The following ZIC4 variants were observed in gnomAD, a reference collection of about 807,000 sequenced individuals.
ZIC4 encodes the protein zinc finger protein ZIC 4.
ZIC4 carries 15 observed loss-of-function variants against 28.8 expected under a neutral mutation model. The observed-to-expected ratio is 0.52, with a 90% confidence interval of 0.35 to 0.80. The LOEUF (loss-of-function observed/expected upper bound fraction) is 0.80. Ranked by LOEUF, ZIC4 falls within the 30% of genes least tolerant of loss-of-function variation. ZIC4 has a pLI of 0.01. For synonymous variants in ZIC4, 220 were observed against 198.1 expected, an observed-to-expected ratio of 1.11 and a Z score of -0.93; for missense variants, 512 against 467.1, an observed-to-expected ratio of 1.10 and a Z score of -0.89.
chr3:147,387,137 C>T lies in ZIC4; in HGVS notation c.*1722G>A, dbSNP rs918804553. On this transcript the variant is annotated 3_prime_UTR_variant, in exon 5 of 5. Coordinates refer to ENST00000383075, the MANE Select transcript of ZIC4 (RefSeq NM_032153.6). ...CTTGCACCCTCTCTGCATTCTTTTC[C>T]TCATGTCCCAAAGCTTGTCCCGAGG... 3 of 152,194 alleles carry T rather than the reference C, an allele frequency of 2.0e-5. No homozygotes were observed. The highest frequency in any genetic ancestry group is 4.4e-5 in the Non-Finnish European group (3 of 68,062). 9.4% of individuals were successfully genotyped at this position (152,194 alleles called of 1,614,324 possible).
At chr3:147,398,582 T>C (rs974851869) in intron 2 of ZIC4, among the ~76,000 whole-genome samples, 7 of 152,086 alleles carry the variant, frequency 4.6e-5, no homozygotes, top group African/African-American at 1.7e-4. Flanking sequence ...AGCTGCGTCG[T>C]CCGGCGATTT....
intron 3 of ZIC4, among the ~76,000 whole-genome samples, chr3:147,395,144 T>C (rs562478027): frequency 1.4e-4 from 22 of 152,210 alleles, no homozygotes; most frequent in Non-Finnish European, 2.4e-4. Flanking sequence ...GCAGTTGTAT[T>C]AATTAGAGAT....
chr3:147,405,134 T>C (rs966419344), intron 1 of ZIC4, among the ~76,000 whole-genome samples: 3 of 152,098 alleles, frequency 2.0e-5, no homozygotes, highest in African/African-American at 7.2e-5. Context: ...CTTTACTCAT[T>C]CTCCTGTTCT....
chr3:147,389,155 G>A, intron 4 of ZIC4: 1 of 447,946 alleles, frequency 2.2e-6, no homozygotes, highest in South Asian at 4.7e-5. Context: ...ATTAGGTGTA[G>A]GCAGGAATTT....
intron 3 of ZIC4, chr3:147,393,682 T>G (rs370584178): frequency 1.0e-5 from 3 of 290,590 alleles, no homozygotes; most frequent in Admixed American, 4.9e-5. Flanking sequence ...TCCCGGCGAC[T>G]GCGCCCCGGC....
At position 147,404,112 on chromosome 3, in the gene ZIC4, G is replaced by T. The variant is rs1339495205; in HGVS notation, c.-15-1300C>A. On this transcript the variant is annotated intron_variant, in intron 1 of 4. Transcript: ENST00000383075. ...GAAGGGCGGCATGCTGGGCGTCCTC[G>T]CTCTGAAATTTCCTCATGGCAGGAT... is the stretch of plus-strand genomic sequence containing the variant. The T allele has an allele frequency of 3.9e-6, 6 of 1,535,346 alleles. No homozygotes were observed. In the South Asian group the frequency reaches 6.0e-5, roughly 15 times the overall value.
chr3:147,386,222 C>A lies in ZIC4; in HGVS notation c.*2637G>T, dbSNP rs573604167. ...AACTTTGTTGTTCATTCAACAATCACTTTCAGTCAAACAACTTTTATTTTC... is the reference window on the plus strand; with the variant it reads ...AACTTTGTTGTTCATTCAACAATCAATTTCAGTCAAACAACTTTTATTTTC... On this transcript the variant is annotated 3_prime_UTR_variant, in exon 5 of 5. Coordinates refer to ENST00000383075, the MANE Select transcript of ZIC4 (RefSeq NM_032153.6). 6.6e-6 allele frequency: 1 copy of A among 152,320 alleles called. No homozygotes were observed. Among genetic ancestry groups the A allele is most frequent in the South Asian group, 2.1e-4 (1 of 4,826 alleles). The allele number at this position is 152,320 out of a possible 1,614,324, so 9.4% of individuals were successfully genotyped here.
intron 3 of ZIC4, chr3:147,393,985 C>A: frequency 2.2e-6 from 1 of 455,796 alleles, no homozygotes; most frequent in South Asian, 1.6e-5. Flanking sequence ...CTCCTGTTTG[C>A]CGCTTCTGCT....
At chr3:147,401,755 T>C (rs2087168163) in intron 2 of ZIC4, among the ~76,000 whole-genome samples, 1 of 152,246 alleles carries the variant, frequency 6.6e-6, no homozygotes, top group African/African-American at 2.4e-5. Flanking sequence ...CTATGGAAAT[T>C]TGAGTTTTAA....
At chr3:147,406,256 C>T (rs543502906) in intron 1 of ZIC4, 107 bp downstream of exon 1, 2 of 152,826 alleles carry the variant, frequency 1.3e-5, no homozygotes, top group East Asian at 3.9e-4. Flanking sequence ...GGCTGGGCCT[C>T]TTCCCCCACT....
At chr3:147,394,545 G>A (rs2086997664) in intron 3 of ZIC4, among the ~76,000 whole-genome samples, 2 of 151,914 alleles carry the variant, frequency 1.3e-5, no homozygotes, top group Non-Finnish European at 2.9e-5. Flanking sequence ...TACCTTCCGG[G>A]TGTCCGCCGC....
Position 147,391,024 on chromosome 3 carries a change from G to A in ZIC4, c.911C>T (p.Ser304Phe). ...GTCCGACGAGGGCGACACGAGGGCA[G>A]ACGGTGTAGCCGAATCGTAGCCAGA... Reference protein sequence around the residue: ...PSSGYDSATPSALVSPSSDCG... With the variant: ...PSSGYDSATPFALVSPSSDCG... Residue 304 changes from serine (S) to phenylalanine (F), a missense_variant, in exon 4 of 5, where the codon TCT becomes TTT. By Grantham distance (155) the Ser-to-Phe change is radical. Transcript: ENST00000383075. 1.2e-6 allele frequency: 2 copies of A among 1,613,794 alleles called. No homozygotes were observed. Among genetic ancestry groups the A allele is most frequent in the Non-Finnish European group, 1.7e-6 (2 of 1,179,972 alleles).
At chr3:147,405,601 G>T in intron 1 of ZIC4, 1 of 916,550 alleles carries the variant, frequency 1.1e-6, no homozygotes, top group Non-Finnish European at 1.7e-6. Context: ...AATCCTAGGA[G>T]CTGCGGCCTG....
At chr3:147,391,466 C>T (rs2086917059) in intron 3 of ZIC4, 4 of 526,582 alleles carry the variant, frequency 7.6e-6, no homozygotes, top group Non-Finnish European at 1.3e-5. Flanking sequence ...CCTTCCTCCT[C>T]TGGGCTCATG....
Position 147,388,738 on chromosome 3 carries a change from T to G in ZIC4, c.*121A>C. 1.4e-6 allele frequency: 1 copy of G among 706,058 alleles called. No homozygotes were observed. 43.7% of individuals were successfully genotyped at this position (706,058 alleles called of 1,614,324 possible). Reference sequence around the variant, plus strand: ...TTGCCATAGAAATCCTAACTTACCATGAAGATGCACCGTGGCGAAGAAACA... The same window carrying G: ...TTGCCATAGAAATCCTAACTTACCAGGAAGATGCACCGTGGCGAAGAAACA... On this transcript the variant is annotated 3_prime_UTR_variant, in exon 5 of 5. Transcript: ENST00000383075.
intron 4 of ZIC4, among the ~76,000 whole-genome samples, chr3:147,389,667 C>T (rs1018622248): frequency 2.0e-5 from 3 of 152,036 alleles, no homozygotes; most frequent in Non-Finnish European, 4.4e-5. Flanking sequence ...ACATCTGGTT[C>T]TTTTTTTCTG....
At chr3:147,405,557 T>G (rs2087257142) in intron 1 of ZIC4, 2 of 1,380,656 alleles carry the variant, frequency 1.4e-6, no homozygotes, top group Non-Finnish European at 2.0e-6. Context: ...TGGCCCCTAA[T>G]TTCCAATGCC....
At chr3:147,394,176 G>T (rs373881949) in intron 3 of ZIC4, among the ~76,000 whole-genome samples, 1 of 151,484 alleles carries the variant, frequency 6.6e-6, no homozygotes, top group East Asian at 1.9e-4. Context: ...ACTAGGAGGG[G>T]GATTTGAGGG....
At chr3:147,388,940 T>G in intron 4 of ZIC4, 81 bp from the exon 5 acceptor site, 1 of 759,824 alleles carries the variant, frequency 1.3e-6, no homozygotes, top group South Asian at 1.4e-5. Flanking sequence ...TAGATTGAGA[T>G]AGAAAGCAAA....
Sources: gnomAD v4.1 joint callset for allele counts (sites outside exome capture counted in the v4.1 genomes callset) on GRCh38, gnomAD v4.1.1 for gene constraint, MANE v1.5 for transcripts, NCBI Gene and HGNC (gene_info 2026-07-23, HGNC 2026-07-21) for gene names.